The following SNURF variants were observed in gnomAD, a reference collection of about 807,000 sequenced individuals.
SNURF encodes SNRPN upstream open reading frame, also known as SNURF protein.
SNURF carries 6 observed loss-of-function variants against 11.6 expected under a neutral mutation model. The ratio of observed to expected loss-of-function variants is 0.52; its 90% CI spans 0.28 to 1.02. The LOEUF is 1.02. SNURF is among the 50% of genes least tolerant of loss of function. The probability of loss-of-function intolerance (pLI) is 0.09; values close to 1 mark genes in which losing one functional copy is unlikely to be tolerated. For missense variants in SNURF, 84 were observed against 88.4 expected (o/e 0.95, Z 0.20); for synonymous variants, 29 against 31.6 (o/e 0.92, Z 0.27).
intron 1 of SNURF, 127 bp from the exon 2 acceptor site, chr15:24,961,987 T>C: frequency 1.2e-6 from 1 of 869,278 alleles, no homozygotes; most frequent in Non-Finnish European, 1.9e-6. Flanking sequence ...TTGTAATAAT[T>C]TTACCTTGTT....
intron 1 of SNURF, among the ~76,000 whole-genome samples, chr15:24,958,211 A>C (rs2063227159): frequency 6.6e-6 from 1 of 152,158 alleles, no homozygotes; most frequent in South Asian, 2.1e-4. Context: ...TGTTTTACAA[A>C]AAATTTTGTT....
downstream of SNURF, among the ~76,000 whole-genome samples, chr15:24,972,113 G>A (rs147631392): frequency 5.4e-3 from 820 of 152,044 alleles, 11 homozygotes; most frequent in Admixed American, 0.039. Flanking sequence ...AAAATTAGCC[G>A]GGTGTGGTGG....
chr15:24,962,100 CTT>C lies in SNURF; in HGVS notation c.15-11_15-10del. Reference sequence around the variant, plus strand: ...TGCAGTCTACCAAACAAATGCCTCTCTTTTCTGTTTCAGGGATCGCTTACACC... The same window carrying C: ...TGCAGTCTACCAAACAAATGCCTCTCTTCTGTTTCAGGGATCGCTTACACC... On this transcript the variant is annotated splice_polypyrimidine_tract_variant and intron_variant, in intron 1 of 2. Coordinates refer to ENST00000577949, the Ensembl canonical transcript of SNURF. The C allele has an allele frequency of 6.2e-7, 1 of 1,611,582 alleles. No homozygotes were observed.
At chr15:24,966,635 C>CT (rs1192998579) in intron 2 of SNURF, among the ~76,000 whole-genome samples, 1 of 152,134 alleles carries the variant, frequency 6.6e-6, no homozygotes. Flanking sequence ...AGGGACCCAC[C>CT]TTGAGTAACA....
intron 2 of SNURF, among the ~76,000 whole-genome samples, chr15:24,966,807 A>C (rs747157993): frequency 6.6e-6 from 1 of 152,146 alleles, no homozygotes; most frequent in Non-Finnish European, 1.5e-5. Flanking sequence ...AAATCCTTAC[A>C]TGCCAACAAG....
intron 5 of SNURF, chr15:24,976,726 A>G: frequency 5.7e-6 from 4 of 699,078 alleles, no homozygotes; most frequent in South Asian, 3.7e-5. Context: ...AGATACCTCC[A>G]TGGTATACTT....
intron 2 of SNURF, chr15:24,967,126 G>C (rs2075755736): frequency 6.6e-6 from 1 of 152,152 alleles, no homozygotes; most frequent in Non-Finnish European, 1.5e-5. Flanking sequence ...TGGGGAGAAA[G>C]GATTGTTCAC....
At chr15:24,967,087 C>T (rs1212584617) in intron 2 of SNURF, 1 of 152,182 alleles carries the variant, frequency 6.6e-6, no homozygotes, top group African/African-American at 2.4e-5. Flanking sequence ...CCTGCAAATG[C>T]TTTAGCAGCA....
At chr15:24,977,523 C>T (rs114827683) in intron 6 of SNURF, among the ~76,000 whole-genome samples, 2,690 of 151,938 alleles carry the variant, frequency 0.018, 77 homozygotes, top group African/African-American at 0.061. Context: ...GCCTGTAATC[C>T]CAGCTACCAG....
At chr15:24,977,132 G>C in intron 6 of SNURF, 1 of 923,970 alleles carries the variant, frequency 1.1e-6, no homozygotes, top group Non-Finnish European at 1.6e-6. Context: ...AATGTAAACA[G>C]CATATGGTTT....
intron 1 of SNURF, among the ~76,000 whole-genome samples, chr15:24,961,574 A>C (rs528222500): frequency 6.6e-6 from 1 of 152,076 alleles, no homozygotes; most frequent in Non-Finnish European, 1.5e-5. Flanking sequence ...TGTTTTTGCT[A>C]TGTGGATAGT....
intron 1 of SNURF, 87 bp downstream of exon 1, chr15:24,955,149 G>T: frequency 6.4e-7 from 1 of 1,572,230 alleles, no homozygotes; most frequent in South Asian, 1.1e-5. Flanking sequence ...TTAGGACTTG[G>T]AGTACTGAAT....
chr15:24,977,189 G>C (rs2077155492), intron 6 of SNURF, among the ~76,000 whole-genome samples: 1 of 152,218 alleles, frequency 6.6e-6, no homozygotes, highest in African/African-American at 2.4e-5. Flanking sequence ...AATAAAACTA[G>C]CTGCTTAAAA....
At chr15:24,956,222 C>T (rs1157771479) in intron 1 of SNURF, among the ~76,000 whole-genome samples, 1 of 152,036 alleles carries the variant, frequency 6.6e-6, no homozygotes, top group Non-Finnish European at 1.5e-5. Flanking sequence ...TTCATTGTTT[C>T]TCTCTGTTGG....
exon 2 of SNURF, chr15:24,962,134 G>A (rs371527962): frequency 1.9e-6 from 3 of 1,614,080 alleles, no homozygotes; most frequent in Non-Finnish European, 2.5e-6. Flanking sequence ...CACCTGAGAC[G>A]AACTACAGAA....
intron 3 of SNURF, chr15:24,974,422 C>A: frequency 3.1e-6 from 5 of 1,611,530 alleles, no homozygotes; most frequent in Non-Finnish European, 4.2e-6. Context: ...CAAGTTTTAA[C>A]TGTGGACATT....
In SNURF at chr15:24,956,877, A is replaced by G. The variant is rs114962167; in HGVS notation, c.14+1815A>G. Among the ~76,000 whole-genome samples, 961 of 152,310 alleles carry G rather than the reference A, an allele frequency of 6.3e-3. 10 individuals carry two copies. Among genetic ancestry groups the G allele is most frequent in the African/African-American group, 0.023 (936 of 41,576 alleles). On this transcript the variant is annotated intron_variant, in intron 1 of 2. Coordinates refer to ENST00000577949, the Ensembl canonical transcript of SNURF. ...CTGGGCTACTGCTTTTCAGCTCTGC[A>G]GTAAACTAGAGTGGTGGCGGCCTGG...
intron 1 of SNURF, among the ~76,000 whole-genome samples, chr15:24,959,754 T>C (rs960357566): frequency 1.6e-4 from 24 of 152,210 alleles, no homozygotes; most frequent in African/African-American, 5.5e-4. Context: ...TTTGGATATA[T>C]CATATTTTCT....
In SNURF at chr15:24,977,636, C is replaced by CA. The variant is rs200156917; in HGVS notation, c.*463-133dup. On this transcript the variant is annotated intron_variant and NMD_transcript_variant, in intron 6 of 6. Transcript: ENST00000580062. ...CTGGGTGACAAGAGTGAAACTGTCTCAAAAAAAAACATGGGAATAATGAGA... is the reference window on the plus strand; with the variant it reads ...CTGGGTGACAAGAGTGAAACTGTCTCAAAAAAAAAACATGGGAATAATGAGA... The CA allele has an allele frequency of 4.8e-3, 3,811 of 801,752 alleles. 3 individuals carry two copies. Among genetic ancestry groups the CA allele is most frequent in the African/African-American group, 9.3e-3 (513 of 54,970 alleles). The allele number at this position is 801,752 out of a possible 1,614,324, so 49.7% of individuals were successfully genotyped here. A position where few individuals can be genotyped will look rare whatever the true frequency, so the allele number is the denominator to read the frequency against.
Sources: gnomAD v4.1 joint callset for allele counts (sites outside exome capture counted in the v4.1 genomes callset) on GRCh38, gnomAD v4.1.1 for gene constraint, MANE v1.5 for transcripts, NCBI Gene and HGNC (gene_info 2026-07-23, HGNC 2026-07-21) for gene names.